The following CLCN7 variants were observed in gnomAD, a reference collection of about 807,000 sequenced individuals.
CLCN7 encodes the protein H(+)/Cl(-) exchange transporter 7.
In CLCN7, 60 loss-of-function variants were observed where a neutral mutation model predicts 102.1. That is an observed-to-expected ratio of 0.59 (90% CI 0.48 to 0.73). The LOEUF (loss-of-function observed/expected upper bound fraction) is 0.73. Among genes scored for constraint, CLCN7 ranks in the 30% least tolerant of loss-of-function variants. The pLI is 0.00. For missense variants in CLCN7, 962 were observed against 1,125.7 expected (o/e 0.85, Z 2.08); for synonymous variants, 560 against 490.5 (o/e 1.14, Z -1.87).
intron 1 of CLCN7, among the ~76,000 whole-genome samples, chr16:1,472,319 C>G (rs1425296796): frequency 6.6e-6 from 1 of 152,028 alleles, no homozygotes; most frequent in African/African-American, 2.4e-5. Context: ...CAACCTCTGC[C>G]TCCTGGGTTC....
At chr16:1,461,044 T>A in intron 4 of CLCN7, 96 bp from the exon 5 acceptor site, 1 of 1,481,578 alleles carries the variant, frequency 6.7e-7, no homozygotes, top group Non-Finnish European at 9.1e-7. Context: ...GCCCCGGGAT[T>A]ATGAAGGGCC....
intron 19 of CLCN7, 72 bp downstream of exon 19, chr16:1,448,894 G>A: frequency 3.7e-6 from 6 of 1,604,360 alleles, no homozygotes; most frequent in Non-Finnish European, 5.1e-6. Flanking sequence ...CGGCTGTTTG[G>A]AGGCTCACAG....
intron 14 of CLCN7, 121 bp downstream of exon 14, chr16:1,453,713 C>A: frequency 3.2e-6 from 3 of 935,378 alleles, no homozygotes; most frequent in Non-Finnish European, 3.5e-6. Context: ...AAGGACGCTG[C>A]ATACACAGCC....
chr16:1,457,834 A>G lies in CLCN7; in HGVS notation c.676-78T>C. 2 of 1,408,222 alleles carry G rather than the reference A, an allele frequency of 1.4e-6. No individual in the cohort carries two copies. The highest frequency in any genetic ancestry group is 2.0e-6 in the Non-Finnish European group (2 of 996,856). The allele number at this position is 1,408,222 out of a possible 1,614,324, so 87.2% of individuals were successfully genotyped here. On this transcript the variant is annotated intron_variant, in intron 7 of 24. Transcript: ENST00000382745. This position sits in a 1 kb window ranked among gnomAD's most constrained non-coding sequence, Gnocchi z 5.4. ...GGACCTGAGCCGTAAAACAGCACAC[A>G]CAGCCCCGATCAGGCAGAGTGGCTG...
At chr16:1,466,961 G>A (rs912003443) in intron 1 of CLCN7, among the ~76,000 whole-genome samples, 1 of 117,734 alleles carries the variant, frequency 8.5e-6, no homozygotes, top group African/African-American at 3.2e-5. Context: ...AAAAGAACCT[G>A]ACCTTCCAGC....
chr16:1,462,995 T>C (rs1030602913), intron 2 of CLCN7, among the ~76,000 whole-genome samples: 5 of 152,020 alleles, frequency 3.3e-5, no homozygotes, highest in Admixed American at 6.6e-5. Context: ...ACTCCATCTC[T>C]ACAAAATATT....
intron 6 of CLCN7, 192 bp from the exon 7 acceptor site, chr16:1,459,379 G>A: frequency 3.8e-6 from 2 of 529,042 alleles, no homozygotes; most frequent in Admixed American, 3.2e-5. Context: ...CCCAGGGAAG[G>A]GGAGAGCAGC....
chr16:1,460,063 A>C (rs916619566), intron 6 of CLCN7, among the ~76,000 whole-genome samples: 2 of 152,050 alleles, frequency 1.3e-5, no homozygotes, highest in African/African-American at 2.4e-5. Context: ...TCGTTGGGGT[A>C]GCTGCTCTCA....
At chr16:1,461,348 C>T in intron 4 of CLCN7, 57 bp downstream of exon 4, 1 of 1,469,354 alleles carries the variant, frequency 6.8e-7, no homozygotes, top group Non-Finnish European at 9.3e-7. Flanking sequence ...AGCCCCAGGC[C>T]CGGCCGGCAC....
rs114128200 is a variant in CLCN7, at chr16:1,465,534, C to G, written c.142-196G>C. 7.4e-3 allele frequency among the ~76,000 whole-genome samples: 1,120 copies of G among 152,282 alleles called. 18 individuals carry two copies. Among genetic ancestry groups the G allele is most frequent in the African/African-American group, 0.026 (1,061 of 41,558 alleles). On this transcript the variant is annotated intron_variant, in intron 1 of 24. Coordinates refer to ENST00000382745, the MANE Select transcript of CLCN7 (RefSeq NM_001287.6). ...CCTGGGCCCTGGAAGCAGAACTGAT[C>G]CGGCTGCCCCTCGGCCTGTCAGCGA...
chr16:1,456,616 A>C (rs1596219487), intron 9 of CLCN7, among the ~76,000 whole-genome samples: 1 of 152,172 alleles, frequency 6.6e-6, no homozygotes, highest in African/African-American at 2.4e-5. Flanking sequence ...AGGCAGGCGG[A>C]TCACCTGAGG....
rs1007300215 is a variant in CLCN7, at chr16:1,474,320, C to T, written c.141+514G>A. On this transcript the variant is annotated intron_variant, in intron 1 of 24. Transcript: ENST00000382745. ...AGATCACCTGAAAGTCGGGACTGAT[C>T]CCCACACAGAAAGATGGCAGATAAA... is the stretch of plus-strand genomic sequence containing the variant. 4 of 402,022 alleles carry T rather than the reference C, an allele frequency of 9.9e-6. No individual in the cohort carries two copies. In the East Asian group the frequency reaches 2.3e-4, roughly 24 times the overall value. 24.9% of individuals were successfully genotyped at this position (402,022 alleles called of 1,614,324 possible).
At position 1,465,367 on chromosome 16, in the gene CLCN7, G is replaced by A. The variant is rs758107767; in HGVS notation, c.142-29C>T. Reference sequence around the variant, plus strand: ...AAAGCAGAAGAGAAATCATGAGGGCGCTCAGGCGTCGCACGCTCTGCTCCG... The same window carrying A: ...AAAGCAGAAGAGAAATCATGAGGGCACTCAGGCGTCGCACGCTCTGCTCCG... On this transcript the variant is annotated intron_variant, in intron 1 of 24. Coordinates refer to ENST00000382745, the MANE Select transcript of CLCN7 (RefSeq NM_001287.6). 31 of 1,596,834 alleles carry A rather than the reference G, an allele frequency of 1.9e-5. No homozygotes were observed. The Admixed American group carries it at 2.7e-4, about 14-fold the overall frequency.
Position 1,461,592 on chromosome 16 carries a change from A to C in CLCN7, c.285+11T>G, listed in dbSNP as rs755533718. 1.9e-6 allele frequency: 3 copies of C among 1,613,724 alleles called. No homozygotes were observed. The highest frequency in any genetic ancestry group is 2.5e-6 in the Non-Finnish European group (3 of 1,179,756). On this transcript the variant is annotated intron_variant, in intron 3 of 24. Transcript: ENST00000382745. Reference sequence around the variant, plus strand: ...CGGGTCTCAGGGTCAGGGGGACAGAAGGACGCCCACCTCATACTTGAGGGA... The same window carrying C: ...CGGGTCTCAGGGTCAGGGGGACAGACGGACGCCCACCTCATACTTGAGGGA...
intron 24 of CLCN7, 125 bp downstream of exon 24, chr16:1,446,881 C>A: frequency 8.8e-7 from 1 of 1,142,368 alleles, no homozygotes; most frequent in Non-Finnish European, 1.3e-6. Context: ...AGCCATGGGG[C>A]ATGGGCCGAC....
rs2038934341 is a variant in CLCN7, at chr16:1,461,400, C to T, written c.351+5G>A. The T allele has an allele frequency of 6.5e-7, 1 of 1,548,934 alleles. No homozygotes were observed. The highest frequency in any genetic ancestry group is 8.7e-7 in the Non-Finnish European group (1 of 1,146,842). On this transcript the variant is annotated splice_donor_5th_base_variant and intron_variant, in intron 4 of 24. Transcript: ENST00000382745. ...GGGCCCTGCAGGGAGCGGCGTCCAG[C>T]TCACCGTGTGATTGATCCGCCGCTC...
chr16:1,455,442 C>T (rs1164750017), intron 11 of CLCN7, 192 bp from the exon 12 acceptor site: 1 of 655,540 alleles, frequency 1.5e-6, no homozygotes, highest in Non-Finnish European at 2.7e-6. Context: ...CCAGCCCTCT[C>T]TGGACTTGCC....
intron 4 of CLCN7, among the ~76,000 whole-genome samples, chr16:1,461,167 A>G (rs1433824349): frequency 1.3e-5 from 2 of 152,256 alleles, no homozygotes; most frequent in Non-Finnish European, 2.9e-5. Context: ...ACAACTTCAC[A>G]GCCAGCGGTT....
chr16:1,472,824 A>AG (rs1458361792), intron 1 of CLCN7: 4 of 151,506 alleles, frequency 2.6e-5, no homozygotes, highest in Non-Finnish European at 4.4e-5. Context: ...AAAAAAAAAA[A>AG]AAAAAGCACC....
Sources: gnomAD v4.1 joint callset for allele counts (sites outside exome capture counted in the v4.1 genomes callset) on GRCh38, gnomAD v4.1.1 for gene constraint, Gnocchi (gnomAD v3.1) non-coding constraint, MANE v1.5 for transcripts, NCBI Gene and HGNC (gene_info 2026-07-23, HGNC 2026-07-21) for gene names.